The following TBCCD1 variants were observed in gnomAD, a reference collection of about 807,000 sequenced individuals.
TBCCD1 encodes the protein TBCC domain containing 1, also known as TBCC domain-containing protein 1.
A neutral mutation model predicts 53.4 loss-of-function variants in TBCCD1; 26 were observed. The observed-to-expected ratio is 0.49, with a 90% CI of 0.36 to 0.68. The LOEUF (loss-of-function observed/expected upper bound fraction) is 0.68. TBCCD1 is among the 30% of genes least tolerant of loss of function. The probability of loss-of-function intolerance (pLI) is 0.00; values close to 1 mark genes in which losing one functional copy is unlikely to be tolerated. For missense variants in TBCCD1, 558 were observed against 669.5 expected, an observed-to-expected ratio of 0.83 and a Z score of 1.84; for synonymous variants, 245 against 241.7, an observed-to-expected ratio of 1.01 and a Z score of -0.13.
chr3:186,564,747 T>C (rs1215795145), intron 1 of TBCCD1, among the ~76,000 whole-genome samples: 1 of 152,204 alleles, frequency 6.6e-6, no homozygotes, highest in African/African-American at 2.4e-5. Flanking sequence ...GGGAAATACA[T>C]TTCACAGAGT....
At chr3:186,554,230 C>CT (rs757735817) in intron 6 of TBCCD1, 24 bp downstream of exon 6, 1 of 1,607,142 alleles carries the variant, frequency 6.2e-7, no homozygotes. Context: ...AAAACACAAA[C>CT]TGTTACTTGT....
chr3:186,565,019 A>G (rs1196562950), intron 1 of TBCCD1, among the ~76,000 whole-genome samples: 4 of 152,020 alleles, frequency 2.6e-5, no homozygotes, highest in African/African-American at 9.7e-5. Context: ...TTTATGGAAT[A>G]TTTATAAAAT....
At chr3:186,569,299 A>G (rs1714935401), upstream of TBCCD1, among the ~76,000 whole-genome samples, 1 of 115,566 alleles carries the variant, frequency 8.7e-6, no homozygotes, top group Admixed American at 8.2e-5. Context: ...ACATGATTTG[A>G]CTTTTATTTT....
intron 7 of TBCCD1, among the ~76,000 whole-genome samples, chr3:186,547,606 CTT>C (rs574168560): frequency 0.051 from 6,430 of 126,992 alleles, 465 homozygotes; most frequent in African/African-American, 0.17. Context: ...TTGCTAAATT[CTT>C]TTTTTTTTTT....
intron 2 of TBCCD1, among the ~76,000 whole-genome samples, chr3:186,562,495 AACAG>A (rs1714715560): frequency 6.6e-6 from 1 of 152,192 alleles, no homozygotes; most frequent in Non-Finnish European, 1.5e-5. Flanking sequence ...AACTCATAAA[AACAG>A]ACAGAAGGGT....
At chr3:186,565,352 C>T (rs1166548952) in intron 1 of TBCCD1, among the ~76,000 whole-genome samples, 1 of 152,086 alleles carries the variant, frequency 6.6e-6, no homozygotes, top group Non-Finnish European at 1.5e-5. Context: ...CTCAAGTGAT[C>T]CCTCGCCTCA....
chr3:186,568,574 C>T (rs2108468290), upstream of TBCCD1, among the ~76,000 whole-genome samples: 1 of 152,230 alleles, frequency 6.6e-6, no homozygotes, highest in Admixed American at 6.5e-5. Context: ...ATGAAACTGG[C>T]ATTTCAGTGT....
chr3:186,559,504 T>G (rs1182980270), intron 2 of TBCCD1, among the ~76,000 whole-genome samples: 1 of 152,194 alleles, frequency 6.6e-6, no homozygotes, highest in Non-Finnish European at 1.5e-5. Context: ...TTGAAGCCCC[T>G]GATTACCCTC....
Position 186,564,207 on chromosome 3 carries a change from T to C in TBCCD1, c.123A>G (p.Gln41=), listed in dbSNP as rs1429656916. 2 of 1,614,022 alleles carry C rather than the reference T, an allele frequency of 1.2e-6. No homozygotes were observed. Among genetic ancestry groups the C allele is most frequent in the African/African-American group, 2.7e-5 (2 of 74,896 alleles). The change falls in exon 2 of 8, where the codon CAA becomes CAG. Residue 41 remains glutamine (Q), a synonymous_variant. Coordinates refer to ENST00000338733, the MANE Select transcript of TBCCD1 (RefSeq NM_018138.5). Reference sequence around the variant, plus strand: ...GGTAAGCTCCTTCTGTGGCCCGGATTTGCACATAGGTGGATATCTTCCTGA... The same window carrying C: ...GGTAAGCTCCTTCTGTGGCCCGGATCTGCACATAGGTGGATATCTTCCTGA... ...HYLRKISTYV[Q]IRATEGAYPR...
intron 3 of TBCCD1, among the ~76,000 whole-genome samples, chr3:186,557,668 CA>C (rs1286512204): frequency 2.0e-5 from 3 of 151,826 alleles, no homozygotes; most frequent in Non-Finnish European, 4.4e-5. Flanking sequence ...TTGTAAGGGC[CA>C]GGGGAGAGAA....
In TBCCD1 at chr3:186,564,249, C is replaced by T. The variant is rs770670377; in HGVS notation, c.81G>A (p.Lys27=). Residue 27 remains lysine, a synonymous_variant, in exon 2 of 8, where the codon AAG becomes AAA. Transcript: ENST00000338733. Reference sequence around the variant, plus strand: ...TCTTCCTGAGATAGTGAAGACTAAACTTGGATGGAGGGGGGACCTGCAAGG... The same window carrying T: ...TCTTCCTGAGATAGTGAAGACTAAATTTGGATGGAGGGGGGACCTGCAAGG... The part of the protein sequence containing the change: ...VGALQVPPPS[K]FSLHYLRKIS... The T allele has an allele frequency of 1.9e-6, 3 of 1,614,054 alleles. No individual in the cohort carries two copies. The highest frequency in any genetic ancestry group is 1.1e-5 in the South Asian group (1 of 91,092).
rs145806091 is a variant in TBCCD1, at chr3:186,554,932, T to C, written c.1012A>G (p.Asn338Asp). Residue 338 changes from asparagine to aspartate, a missense_variant, in exon 5 of 8, where the codon AAC becomes GAC. Coordinates refer to ENST00000338733, the MANE Select transcript of TBCCD1 (RefSeq NM_018138.5). ...GAGAGCAGATATATAAAAGATTCGT[T>C]GCAACGATGAATCTTTACATGTGCC... is the stretch of plus-strand genomic sequence containing the variant. ...AGAHVKIHRC[N>D]ESFIYLLSPL... The C allele has an allele frequency of 1.1e-3, 1,720 of 1,613,746 alleles. 13 individuals carry two copies. Among genetic ancestry groups the C allele is most frequent in the Non-Finnish European group, 1.1e-4 (134 of 1,180,026 alleles).
chr3:186,565,587 C>T (rs1714805536), intron 1 of TBCCD1, among the ~76,000 whole-genome samples: 2 of 152,104 alleles, frequency 1.3e-5, no homozygotes, highest in Non-Finnish European at 2.9e-5. Flanking sequence ...AGATTTTTCA[C>T]AAAAACAACA....
intron 6 of TBCCD1, 138 bp downstream of exon 6, chr3:186,554,115 TG>T: frequency 8.2e-7 from 1 of 1,216,480 alleles, no homozygotes; most frequent in Non-Finnish European, 1.1e-6. Flanking sequence ...CCCAAAGTGC[TG>T]GGATTATAGG....
chr3:186,554,001 C>G (rs1357589206), intron 6 of TBCCD1, among the ~76,000 whole-genome samples: 2 of 152,204 alleles, frequency 1.3e-5, no homozygotes, highest in Non-Finnish European at 2.9e-5. Flanking sequence ...GCACACGCCA[C>G]CACACCCAGC....
At chr3:186,570,019 C>A (rs1472444722), upstream of TBCCD1, 6 of 595,908 alleles carry the variant, frequency 1.0e-5, no homozygotes, top group Non-Finnish European at 1.5e-5. Flanking sequence ...TGTTAAAATT[C>A]ACAGAACTGC....
chr3:186,566,973 A>G (rs1308131835), intron 1 of TBCCD1, among the ~76,000 whole-genome samples: 3 of 152,122 alleles, frequency 2.0e-5, no homozygotes, highest in Non-Finnish European at 4.4e-5. Flanking sequence ...ACAAACATAA[A>G]CTGGGGCTCT....
At chr3:186,555,947 G>A (rs765788288) in intron 4 of TBCCD1, among the ~76,000 whole-genome samples, 3 of 151,848 alleles carry the variant, frequency 2.0e-5, no homozygotes, top group Non-Finnish European at 2.9e-5. Flanking sequence ...CAAAAAATAC[G>A]CGCAGGTTCT....
chr3:186,562,166 A>C (rs900089254), intron 2 of TBCCD1, among the ~76,000 whole-genome samples: 1 of 152,196 alleles, frequency 6.6e-6, no homozygotes, highest in Non-Finnish European at 1.5e-5. Flanking sequence ...ACACAGTGAG[A>C]TCCTGACCTC....
Sources: allele counts gnomAD v4.1 joint callset (sites outside exome capture counted in the v4.1 genomes callset), GRCh38; gene constraint gnomAD v4.1.1; transcripts MANE v1.5; gene names NCBI Gene and HGNC (gene_info 2026-07-23, HGNC 2026-07-21).